QSER1: variants seen among roughly 807,000 people sequenced by gnomAD.
QSER1 encodes the protein glutamine and serine rich 1.
A neutral mutation model predicts 158.5 loss-of-function variants in QSER1; 49 were observed. That is an observed-to-expected ratio of 0.31 (90% CI 0.25 to 0.39). QSER1 has a LOEUF of 0.39. Ranked by LOEUF, QSER1 falls within the 10% of genes least tolerant of loss-of-function variation. QSER1 has a pLI of 1.00. For missense variants in QSER1, 1,754 were observed against 2,010.3 expected (o/e 0.87, Z 2.44); for synonymous variants, 650 against 715.5 (o/e 0.91, Z 1.46).
intron 4 of QSER1, among the ~76,000 whole-genome samples, chr11:32,939,792 T>TA (rs1256009355): frequency 2.0e-5 from 3 of 152,242 alleles, no homozygotes; most frequent in African/African-American, 7.2e-5. Context: ...TGGTCTGTCT[T>TA]ACACTTGTGC....
Position 32,969,068 on chromosome 11 carries a change from G to GA in QSER1, c.5137dup (p.Ile1713AsnfsTer7), listed in dbSNP as rs1228970896. On this transcript the variant is annotated frameshift_variant, in exon 10 of 13. Transcript: ENST00000650167. LOFTEE classifies it high-confidence loss of function. ...CAGATGAGCTACTTTTACCTCATATGAAAAAAATAGATGGCATGCTAAATG... is the reference window on the plus strand; with the variant it reads ...CAGATGAGCTACTTTTACCTCATATGAAAAAAAATAGATGGCATGCTAAATG... The GA allele has an allele frequency of 1.3e-6, 2 of 1,585,746 alleles. No homozygotes were observed. Among genetic ancestry groups the GA allele is most frequent in the Admixed American group, 1.8e-5 (1 of 56,652 alleles).
chr11:32,946,934 C>T (rs147011812), intron 4 of QSER1, among the ~76,000 whole-genome samples: 2,547 of 151,092 alleles, frequency 0.017, 53 homozygotes, highest in African/African-American at 0.058. Flanking sequence ...TCTCGTGGTG[C>T]GCCGTTTTTT....
At chr11:32,936,037 G>C (rs1852147570) in intron 4 of QSER1, among the ~76,000 whole-genome samples, 1 of 152,096 alleles carries the variant, frequency 6.6e-6, no homozygotes, top group East Asian at 1.9e-4. Flanking sequence ...GGGAGCTTTA[G>C]AGGAAATTTT....
rs1217721195 is a variant in QSER1 at position 32,979,467 on chromosome 11, CTT to C, written c.*2994_*2995del. ...AACCCAATTTCCACTTATTTGAACTCTTAAGTCATAAATGTATAATGACTTAT... is the reference window on the plus strand; with the variant it reads ...AACCCAATTTCCACTTATTTGAACTCAAGTCATAAATGTATAATGACTTAT... On this transcript the variant is annotated 3_prime_UTR_variant, in exon 13 of 13. Coordinates refer to ENST00000650167, the MANE Select transcript of QSER1 (RefSeq NM_001076786.3). The C allele has an allele frequency of 6.6e-6, 1 of 152,162 alleles. No homozygotes were observed. The highest frequency in any genetic ancestry group is 2.4e-5 in the African/African-American group (1 of 41,430). The allele number at this position is 152,162 out of a possible 1,614,324, so 9.4% of individuals were successfully genotyped here.
rs184330814 is a variant in QSER1 at position 32,980,259 on chromosome 11, T to A, written c.*3785T>A. 95 of 152,778 alleles carry A rather than the reference T, an allele frequency of 6.2e-4. No homozygotes were observed. Among genetic ancestry groups the A allele is most frequent in the African/African-American group, 2.2e-3 (93 of 41,580 alleles). 9.5% of individuals were successfully genotyped at this position (152,778 alleles called of 1,614,324 possible). A position where few individuals can be genotyped will look rare whatever the true frequency, so the allele number is the denominator to read the frequency against. On this transcript the variant is annotated 3_prime_UTR_variant, in exon 13 of 13. Coordinates refer to ENST00000650167, the MANE Select transcript of QSER1 (RefSeq NM_001076786.3). ...ATCATTAAAATGAAAACAATTTTTT[T>A]AAACAAGAAAATCAGAATGTTTGGG...
chr11:32,899,263 A>T (rs1376702965), intron 1 of QSER1, among the ~76,000 whole-genome samples: 1 of 152,176 alleles, frequency 6.6e-6, no homozygotes, highest in Non-Finnish European at 1.5e-5. Context: ...ACTCTGCTTC[A>T]GTGTGGGAAT....
chr11:32,933,072 C>A lies in QSER1; in HGVS notation c.1814C>A (p.Ser605Tyr). The A allele has an allele frequency of 6.2e-7, 1 of 1,613,756 alleles. No individual in the cohort carries two copies. The highest frequency in any genetic ancestry group is 8.5e-7 in the Non-Finnish European group (1 of 1,180,002). Residue 605 changes from serine to tyrosine, a missense_variant, in exon 4 of 13, where the codon TCT (serine) becomes TAT (tyrosine). By Grantham distance (144) the Ser-to-Tyr change is moderately radical (BLOSUM62 -2). Around this residue, in one of 2 missense-constraint regions of QSER1, gnomAD observed 1,707 missense variants for 1,919.6 expected, o/e 0.89. Transcript: ENST00000650167. Reference protein sequence around the residue: ...LTLTAPSLSYSSASRAQNLPD... With the variant: ...LTLTAPSLSYYSASRAQNLPD... ...TTAACAGCCCCTTCTCTTTCTTATT[C>A]TTCTGCCTCTCGGGCTCAGAATTTG...
rs144702721 is a variant in QSER1, at chr11:32,964,701, G to GAA, written c.4970-1588_4970-1587dup. Among the ~76,000 whole-genome samples, 158 of 98,696 alleles carry GAA rather than the reference G, an allele frequency of 1.6e-3. 1 individual carries two copies. The highest frequency in any genetic ancestry group is 2.1e-3 in the Non-Finnish European group (112 of 53,668). The allele number at this position is 98,696 out of a possible 152,430, so 64.7% of individuals were successfully genotyped here. A position where few individuals can be genotyped will look rare whatever the true frequency, so the allele number is the denominator to read the frequency against. On this transcript the variant is annotated intron_variant, in intron 8 of 12. Coordinates refer to ENST00000650167, the MANE Select transcript of QSER1 (RefSeq NM_001076786.3). ...CAACATAGTGAAACCCTATCTCTAA[G>GAA]AAAAAAAAAAAACACCATATATATA...
chr11:32,934,906 C>T lies in QSER1; in HGVS notation c.3648C>T (p.Asn1216=), dbSNP rs1852121645. 3 of 1,613,762 alleles carry T rather than the reference C, an allele frequency of 1.9e-6. No homozygotes were observed. Among genetic ancestry groups the T allele is most frequent in the African/African-American group, 1.3e-5 (1 of 74,960 alleles). The change falls in exon 4 of 13, where the codon AAC becomes AAT. Residue 1216 remains asparagine, a synonymous_variant. Transcript: ENST00000650167. ...KGKGQVKEED[N]SNQKQLKRPA... ...AAGGGCAAGTTAAAGAGGAAGACAACAGTAATCAGAAACAGCTGAAAAGAC... is the reference window on the plus strand; with the variant it reads ...AAGGGCAAGTTAAAGAGGAAGACAATAGTAATCAGAAACAGCTGAAAAGAC...
At chr11:32,903,416 A>C (rs929879721) in intron 1 of QSER1, among the ~76,000 whole-genome samples, 8 of 149,666 alleles carry the variant, frequency 5.3e-5, no homozygotes, top group Non-Finnish European at 1.0e-4. Flanking sequence ...AGGTGATACC[A>C]GAAAAAGAAA....
At chr11:32,907,598 A>C (rs190513968) in intron 1 of QSER1, among the ~76,000 whole-genome samples, 37 of 152,360 alleles carry the variant, frequency 2.4e-4, no homozygotes, top group Non-Finnish European at 5.3e-4. Context: ...GAATCATGGA[A>C]ATATGAACTG....
At chr11:32,925,702 A>G (rs1021282853) in intron 1 of QSER1, among the ~76,000 whole-genome samples, 1 of 151,660 alleles carries the variant, frequency 6.6e-6, no homozygotes, top group Middle Eastern at 3.4e-3. Context: ...TAATTTTTGT[A>G]TTTTTAGTAG....
chr11:32,932,387 G>C lies in QSER1; in HGVS notation c.1129G>C (p.Gly377Arg). 1 of 1,612,362 alleles carries C rather than the reference G, an allele frequency of 6.2e-7. No individual in the cohort carries two copies. Among genetic ancestry groups the C allele is most frequent in the Non-Finnish European group, 8.5e-7 (1 of 1,180,000 alleles). Residue 377 changes from glycine (G) to arginine (R), a missense_variant, in exon 4 of 13, where the codon GGA becomes CGA. Gly to Arg is a moderately radical substitution (Grantham distance 125). Coordinates refer to ENST00000650167, the MANE Select transcript of QSER1 (RefSeq NM_001076786.3). Reference sequence around the variant, plus strand: ...AGATTCCACTCAGGTGAGCAACGGAGGATTACAACAGAAGACCTCCCAGGT... The same window carrying C: ...AGATTCCACTCAGGTGAGCAACGGACGATTACAACAGAAGACCTCCCAGGT... The part of the protein sequence containing the change: ...IGDSTQVSNG[G>R]LQQKTSQVSV...
intron 12 of QSER1, chr11:32,975,764 G>A (rs1590192395): frequency 1.7e-6 from 1 of 579,294 alleles, no homozygotes; most frequent in Non-Finnish European, 2.3e-6. Flanking sequence ...TTTGTGCCTT[G>A]GCATGAAAAA....
chr11:32,969,252 T>G, intron 10 of QSER1, 109 bp downstream of exon 10: 1 of 723,326 alleles, frequency 1.4e-6, no homozygotes, highest in Non-Finnish European at 2.3e-6. Context: ...TTTCACCTAA[T>G]GAAAATTTGG....
intron 4 of QSER1, among the ~76,000 whole-genome samples, chr11:32,952,059 C>T (rs547268452): frequency 4.6e-5 from 7 of 152,136 alleles, no homozygotes; most frequent in East Asian, 1.9e-4. Flanking sequence ...AGGCTGGTCT[C>T]GAACTCCTGA....
Position 32,969,094 on chromosome 11 carries a change from A to G in QSER1, c.5156A>G (p.Asp1719Gly). The change falls in exon 10 of 13, where the codon GAT (aspartate) becomes GGT (glycine). Residue 1719 changes from aspartate (D) to glycine (G), a missense_variant. Physicochemically the swap from Asp to Gly is moderately conservative, Grantham distance 94. Coordinates refer to ENST00000650167, the MANE Select transcript of QSER1 (RefSeq NM_001076786.3). ...AAAAAAATAGATGGCATGCTAAATG[A>G]TAACCGAAAGAGACTTCTTTTGAAT... ...HMKKIDGMLN[D>G]NRKRLLLNLH... The G allele has an allele frequency of 6.3e-7, 1 of 1,599,894 alleles. No individual in the cohort carries two copies. The highest frequency in any genetic ancestry group is 8.5e-7 in the Non-Finnish European group (1 of 1,173,984).
chr11:32,915,180 TTA>T (rs2133515666), intron 1 of QSER1, among the ~76,000 whole-genome samples: 1 of 152,302 alleles, frequency 6.6e-6, no homozygotes, highest in South Asian at 2.1e-4. Flanking sequence ...AGTGCTGGGA[TTA>T]TGGGTGTGAG....
At chr11:32,974,337 G>A (rs561855628) in intron 11 of QSER1, among the ~76,000 whole-genome samples, 1 of 151,832 alleles carries the variant, frequency 6.6e-6, no homozygotes, top group Non-Finnish European at 1.5e-5. Flanking sequence ...TGAGTGGGAG[G>A]ATCGCTTGAG....
Sources: allele counts gnomAD v4.1 joint callset (sites outside exome capture counted in the v4.1 genomes callset), GRCh38; gene constraint gnomAD v4.1.1; regional missense constraint gnomAD v4.1.1; transcripts MANE v1.5; gene names NCBI Gene and HGNC (gene_info 2026-07-23, HGNC 2026-07-21).